The following PCDHGB5 variants were observed in gnomAD, a reference collection of about 807,000 sequenced individuals.
PCDHGB5 encodes the protein protocadherin gamma-B5.
In PCDHGB5, 48 loss-of-function variants were observed where a neutral mutation model predicts 62.9. That is an observed-to-expected ratio of 0.76 (90% CI 0.61 to 0.97). PCDHGB5 has a LOEUF of 0.97. PCDHGB5 is among the 50% of genes least tolerant of loss of function. The probability of loss-of-function intolerance (pLI) is 0.00; values close to 1 mark genes in which losing one functional copy is unlikely to be tolerated. For missense variants in PCDHGB5, 1,118 were observed against 1,198.6 expected, an observed-to-expected ratio of 0.93 and a Z score of 0.99; for synonymous variants, 474 against 511.2, an observed-to-expected ratio of 0.93 and a Z score of 0.98.
At chr5:141,467,495 C>T (rs1161557245) in intron 1 of PCDHGB5, among the ~76,000 whole-genome samples, 1 of 152,140 alleles carries the variant, frequency 6.6e-6, no homozygotes, top group Non-Finnish European at 1.5e-5. Context: ...ATTTAGATCC[C>T]TGATCTAATT....
chr5:141,403,571 G>A (rs778030830), intron 1 of PCDHGB5: 1 of 1,613,904 alleles, frequency 6.2e-7, no homozygotes, highest in Non-Finnish European at 8.5e-7. Context: ...GGAGGCAACT[G>A]CCCACCACCT....
chr5:141,498,919 CG>C (rs2099786825), intron 2 of PCDHGB5, among the ~76,000 whole-genome samples: 1 of 122,240 alleles, frequency 8.2e-6, no homozygotes, highest in African/African-American at 3.1e-5. Context: ...GGTGACAGAG[CG>C]AGACTCCATC....
At chr5:141,428,493 T>G in intron 1 of PCDHGB5, 1 of 307,146 alleles carries the variant, frequency 3.3e-6, no homozygotes, top group Non-Finnish European at 6.3e-6. Context: ...GCAATCTGTA[T>G]GTTCCCTCGG....
chr5:141,457,172 T>C (rs1425263344), intron 1 of PCDHGB5, among the ~76,000 whole-genome samples: 1 of 152,212 alleles, frequency 6.6e-6, no homozygotes, highest in East Asian at 1.9e-4. Context: ...ATAACCCTAT[T>C]GCAAATAGTA....
Position 141,487,390 on chromosome 5 carries a change from G to A in PCDHGB5, c.2398-7417G>A, listed in dbSNP as rs769886634. On this transcript the variant is annotated intron_variant, in intron 1 of 3. Coordinates refer to ENST00000617380, the MANE Select transcript of PCDHGB5 (RefSeq NM_018925.3). The surrounding 1 kb of genome is among the most constrained non-coding windows in gnomAD (Gnocchi z 5.0). The stretch of plus-strand genomic sequence containing the variant: ...GTGCCTGTCTCACCAGATCTCGAAG[G>A]AGGGAGGGGCTTCCCCCTTCCAATG... 1.2e-6 allele frequency: 2 copies of A among 1,614,182 alleles called. No homozygotes were observed. The highest frequency in any genetic ancestry group is 1.3e-5 in the African/African-American group (1 of 75,070).
Position 141,498,971 on chromosome 5 carries a change from GGGAAGGAAGGAAGGAAGGAAGGAA to G in PCDHGB5, c.2456+4140_2456+4163del, listed in dbSNP as rs201769957. 5.1e-3 allele frequency among the ~76,000 whole-genome samples: 569 copies of G among 111,048 alleles called. 6 individuals carry two copies. Among genetic ancestry groups the G allele is most frequent in the South Asian group, 0.024 (65 of 2,658 alleles). 72.9% of individuals were successfully genotyped at this position (111,048 alleles called of 152,430 possible). A position where few individuals can be genotyped will look rare whatever the true frequency, so the allele number is the denominator to read the frequency against. On this transcript the variant is annotated intron_variant, in intron 2 of 3. Coordinates refer to ENST00000617380, the MANE Select transcript of PCDHGB5 (RefSeq NM_018925.3). ...AAAAAGAGAGAGAGGGAGGGAGGGA[GGGAAGGAAGGAAGGAAGGAAGGAA>G]GGAAGGAAGGAAGGAAGGAAGGAAG...
intron 1 of PCDHGB5, chr5:141,421,725 C>T: frequency 6.2e-7 from 1 of 1,613,960 alleles, no homozygotes; most frequent in Non-Finnish European, 8.5e-7. Context: ...TGGGCGTGAA[C>T]TCCCTCCAGA....
In PCDHGB5 at chr5:141,432,039, G is replaced by A; in HGVS notation, c.2397+31515G>A. 1 of 1,614,176 alleles carries A rather than the reference G, an allele frequency of 6.2e-7. No individual in the cohort carries two copies. The highest frequency in any genetic ancestry group is 8.5e-7 in the Non-Finnish European group (1 of 1,180,028). ...AACATCACAGTGACCGCCACTGACC[G>A]GGGAACCCCGCCCCTATCCACGGAA... On this transcript the variant is annotated intron_variant, in intron 1 of 3. Coordinates refer to ENST00000617380, the MANE Select transcript of PCDHGB5 (RefSeq NM_018925.3). This position sits in a 1 kb window ranked among gnomAD's most constrained non-coding sequence, Gnocchi z 6.0.
rs1210429084 is a variant in PCDHGB5 at position 141,487,045 on chromosome 5, T to C, written c.2398-7762T>C. 2 of 1,614,088 alleles carry C rather than the reference T, an allele frequency of 1.2e-6. No individual in the cohort carries two copies. Among genetic ancestry groups the C allele is most frequent in the Non-Finnish European group, 1.7e-6 (2 of 1,180,036 alleles). On this transcript the variant is annotated intron_variant, in intron 1 of 3. Coordinates refer to ENST00000617380, the MANE Select transcript of PCDHGB5 (RefSeq NM_018925.3). This position sits in a 1 kb window ranked among gnomAD's most constrained non-coding sequence, Gnocchi z 5.0. ...CCAGCCTGTTTGCAGTCTCTCGATA[T>C]GCTGGGGAGGTGCGGACGGCTGTTC...
chr5:141,428,173 C>G, intron 1 of PCDHGB5: 1 of 1,514,730 alleles, frequency 6.6e-7, no homozygotes. Context: ...CTGTGCGTGA[C>G]GGAGGACAGC....
intron 1 of PCDHGB5, chr5:141,408,182 C>G: frequency 6.5e-7 from 1 of 1,537,898 alleles, no homozygotes; most frequent in Non-Finnish European, 8.8e-7. Flanking sequence ...AGCGGGGACC[C>G]AGCGAGAACC....
chr5:141,402,233 AT>A (rs1490030425), intron 1 of PCDHGB5, among the ~76,000 whole-genome samples: 1 of 152,070 alleles, frequency 6.6e-6, no homozygotes, highest in Non-Finnish European at 1.5e-5. Flanking sequence ...TTTTCCAGGA[AT>A]TTTATCATCA....
intron 3 of PCDHGB5, among the ~76,000 whole-genome samples, chr5:141,509,347 C>A (rs755234053): frequency 2.6e-5 from 4 of 152,142 alleles, no homozygotes; most frequent in Non-Finnish European, 5.9e-5. Context: ...CCTGGGCTGG[C>A]CTGGGCATCC....
intron 1 of PCDHGB5, among the ~76,000 whole-genome samples, chr5:141,454,209 T>A (rs2098783885): frequency 6.6e-6 from 1 of 152,088 alleles, no homozygotes; most frequent in South Asian, 2.1e-4. Flanking sequence ...TTTATTGACA[T>A]GAATGAGAAA....
At position 141,487,748 on chromosome 5, in the gene PCDHGB5, T is replaced by C. The variant is rs1458153935; in HGVS notation, c.2398-7059T>C. On this transcript the variant is annotated intron_variant, in intron 1 of 3. Coordinates refer to ENST00000617380, the MANE Select transcript of PCDHGB5 (RefSeq NM_018925.3). The surrounding 1 kb of genome is among the most constrained non-coding windows in gnomAD (Gnocchi z 5.0). ...TGTCACCATTTTTGTAAGAGGTAAC[T>C]ATGTGGTAGACGCTGTGCTTTGTAA... 1 of 1,557,436 alleles carries C rather than the reference T, an allele frequency of 6.4e-7. No individual in the cohort carries two copies. Among genetic ancestry groups the C allele is most frequent in the Non-Finnish European group, 8.7e-7 (1 of 1,149,514 alleles).
intron 1 of PCDHGB5, among the ~76,000 whole-genome samples, chr5:141,402,429 T>C (rs2094263946): frequency 6.6e-6 from 1 of 151,986 alleles, no homozygotes; most frequent in Admixed American, 6.6e-5. Flanking sequence ...AATTGAAGCA[T>C]CATAAAAAGG....
chr5:141,419,494 T>A, intron 1 of PCDHGB5: 1 of 1,612,380 alleles, frequency 6.2e-7, no homozygotes, highest in Non-Finnish European at 8.5e-7. Context: ...TCAGCGCCAA[T>A]GTGAGCCTGC....
intron 1 of PCDHGB5, chr5:141,414,893 C>T: frequency 6.2e-7 from 1 of 1,614,248 alleles, no homozygotes; most frequent in Non-Finnish European, 8.5e-7. Context: ...GCCCTCCCCA[C>T]AGACGGTTCC....
chr5:141,408,377 C>T (rs1322642798), intron 1 of PCDHGB5: 4 of 1,613,902 alleles, frequency 2.5e-6, no homozygotes, highest in Non-Finnish European at 3.4e-6. Context: ...GCTCAGTGTC[C>T]TGGATGTGTC....
Sources: allele counts gnomAD v4.1 joint callset (sites outside exome capture counted in the v4.1 genomes callset), GRCh38; gene constraint gnomAD v4.1.1; non-coding constraint Gnocchi (gnomAD v3.1); transcripts MANE v1.5; gene names NCBI Gene and HGNC (gene_info 2026-07-23, HGNC 2026-07-21).